The following ZRANB3 variants were observed in gnomAD, a reference collection of about 807,000 sequenced individuals.
ZRANB3 encodes zinc finger RANBP2-type containing 3, also known as DNA annealing helicase and endonuclease ZRANB3.
Under a neutral mutation model 133.8 loss-of-function variants are expected in ZRANB3, and 125 were observed. The ratio of observed to expected loss-of-function variants is 0.93; its 90% CI spans 0.81 to 1.08. The LOEUF (loss-of-function observed/expected upper bound fraction) is 1.08. Ranked by LOEUF, ZRANB3 falls within the 50% of genes least tolerant of loss-of-function variation. The probability of loss-of-function intolerance (pLI) is 0.00; values close to 1 mark genes in which losing one functional copy is unlikely to be tolerated. For synonymous variants in ZRANB3, 387 were observed against 432.7 expected (o/e 0.89, Z 1.31); for missense variants, 1,229 against 1,275.5 (o/e 0.96, Z 0.56).
chr2:135,491,365 G>C (rs560782132), intron 2 of ZRANB3, among the ~76,000 whole-genome samples: 16 of 152,008 alleles, frequency 1.1e-4, no homozygotes, highest in African/African-American at 3.6e-4. Context: ...TATTTTTTTT[G>C]AGACAGTCTT....
chr2:135,383,211 AC>A (rs1686805505), intron 3 of ZRANB3, among the ~76,000 whole-genome samples: 1 of 152,236 alleles, frequency 6.6e-6, no homozygotes, highest in Non-Finnish European at 1.5e-5. Flanking sequence ...CTCTGATAAA[AC>A]AGACTTTAAA....
intron 2 of ZRANB3, among the ~76,000 whole-genome samples, chr2:135,401,297 A>G (rs1687719165): frequency 6.6e-6 from 1 of 151,672 alleles, no homozygotes; most frequent in African/African-American, 2.4e-5. Context: ...CGGATTGCAG[A>G]CATAGTTAGA....
intron 13 of ZRANB3, among the ~76,000 whole-genome samples, chr2:135,229,001 A>C (rs1380448241): frequency 1.3e-5 from 2 of 152,240 alleles, no homozygotes; most frequent in Non-Finnish European, 1.5e-5. Context: ...TTTGTTGCTA[A>C]ATCATTCAAC....
intron 2 of ZRANB3, among the ~76,000 whole-genome samples, chr2:135,422,301 C>T (rs1466084160): frequency 6.6e-6 from 1 of 152,154 alleles, no homozygotes; most frequent in East Asian, 1.9e-4. Flanking sequence ...TCCCCTACTA[C>T]TCCATCACAG....
intron 17 of ZRANB3, 121 bp downstream of exon 17, chr2:135,217,344 C>T: frequency 2.2e-6 from 2 of 920,552 alleles, no homozygotes; most frequent in East Asian, 2.8e-5. Flanking sequence ...TGATTTTATG[C>T]ATAATTTTCT....
intron 2 of ZRANB3, among the ~76,000 whole-genome samples, chr2:135,488,069 G>T (rs552779291): frequency 1.4e-4 from 21 of 152,206 alleles, no homozygotes; most frequent in African/African-American, 5.1e-4. Flanking sequence ...CCACTGTAGG[G>T]TTATTAACTG....
intron 2 of ZRANB3, among the ~76,000 whole-genome samples, chr2:135,415,639 G>A (rs1442446761): frequency 5.9e-5 from 9 of 152,088 alleles, no homozygotes; most frequent in Admixed American, 5.2e-4. Context: ...CCAAAGCTGG[G>A]CAGAGACACA....
intron 2 of ZRANB3, among the ~76,000 whole-genome samples, chr2:135,494,299 C>G (rs1394977625): frequency 8.3e-6 from 1 of 120,784 alleles, no homozygotes; most frequent in Non-Finnish European, 1.6e-5. Flanking sequence ...CAGAGCAAGA[C>G]TCCGTCTCAA....
At chr2:135,293,154 G>A (rs1333533016) in intron 8 of ZRANB3, among the ~76,000 whole-genome samples, 5 of 152,108 alleles carry the variant, frequency 3.3e-5, no homozygotes, top group Non-Finnish European at 7.4e-5. Flanking sequence ...AGCTTGATGG[G>A]GATGGCATTG....
chr2:135,382,672 T>G (rs1298507045), intron 3 of ZRANB3, among the ~76,000 whole-genome samples: 1 of 152,092 alleles, frequency 6.6e-6, no homozygotes, highest in African/African-American at 2.4e-5. Flanking sequence ...CAGAAGAGAC[T>G]GGGGGCCAAT....
intron 8 of ZRANB3, among the ~76,000 whole-genome samples, chr2:135,282,936 G>C (rs192279424): frequency 1.3e-5 from 2 of 152,124 alleles, no homozygotes; most frequent in Non-Finnish European, 1.5e-5. Flanking sequence ...ATAGTATTAT[G>C]AGCTTTAAAA....
intron 12 of ZRANB3, among the ~76,000 whole-genome samples, chr2:135,256,796 C>T (rs1679676879): frequency 1.3e-5 from 2 of 152,150 alleles, no homozygotes; most frequent in South Asian, 4.1e-4. Context: ...AGGAGCTTGG[C>T]AGGACTGGTT....
intron 8 of ZRANB3, among the ~76,000 whole-genome samples, chr2:135,275,981 G>C (rs1680800928): frequency 6.6e-6 from 1 of 152,002 alleles, no homozygotes; most frequent in Non-Finnish European, 1.5e-5. Flanking sequence ...AAGAAGACAA[G>C]AATTAGAAGA....
chr2:135,267,815 C>A (rs1435320221), intron 11 of ZRANB3, among the ~76,000 whole-genome samples: 2 of 152,066 alleles, frequency 1.3e-5, no homozygotes, highest in Non-Finnish European at 2.9e-5. Flanking sequence ...TGTATCCCCC[C>A]CAAATTCAGA....
chr2:135,361,386 G>T (rs1397740143), intron 3 of ZRANB3, among the ~76,000 whole-genome samples: 1 of 152,110 alleles, frequency 6.6e-6, no homozygotes. Flanking sequence ...TTTCAAAATT[G>T]TAAATCACCA....
intron 3 of ZRANB3, among the ~76,000 whole-genome samples, chr2:135,390,540 T>C (rs1463793736): frequency 6.6e-6 from 1 of 152,192 alleles, no homozygotes; most frequent in East Asian, 1.9e-4. Flanking sequence ...AACTCATTCA[T>C]GCATCCTAGG....
At chr2:135,366,783 C>A (rs1179435743) in intron 3 of ZRANB3, among the ~76,000 whole-genome samples, 1 of 151,928 alleles carries the variant, frequency 6.6e-6, no homozygotes, top group Non-Finnish European at 1.5e-5. Context: ...CTTTGGGAGA[C>A]CGAGGTGGGT....
At chr2:135,297,926 G>A (rs1442648237) in intron 8 of ZRANB3, among the ~76,000 whole-genome samples, 1 of 151,924 alleles carries the variant, frequency 6.6e-6, no homozygotes. Context: ...TCCATATCCT[G>A]TATTGTTTTT....
chr2:135,528,457 C>A (rs1345246078), intron 1 of ZRANB3, among the ~76,000 whole-genome samples: 1 of 152,108 alleles, frequency 6.6e-6, no homozygotes, highest in Non-Finnish European at 1.5e-5. Flanking sequence ...CTCTACAAGT[C>A]TTATTTACCT....
Sources: gnomAD v4.1 joint callset for allele counts (sites outside exome capture counted in the v4.1 genomes callset) on GRCh38, gnomAD v4.1.1 for gene constraint, MANE v1.5 for transcripts, NCBI Gene and HGNC (gene_info 2026-07-23, HGNC 2026-07-21) for gene names.